Variants in FGF14 observed in about 807,000 individuals in gnomAD.
FGF14 encodes fibroblast growth factor 14.
FGF14 carries 5 observed loss-of-function variants against 25.5 expected under a neutral mutation model. The observed-to-expected ratio is 0.20, with a 90% CI of 0.10 to 0.41. The LOEUF (loss-of-function observed/expected upper bound fraction) is 0.41. Ranked by LOEUF, FGF14 falls within the 10% of genes least tolerant of loss-of-function variation. The probability of loss-of-function intolerance (pLI) is 1.00; values close to 1 mark genes in which losing one functional copy is unlikely to be tolerated. For missense variants in FGF14, 222 were observed against 320.1 expected (o/e 0.69, Z 2.34); for synonymous variants, 138 against 118.3 (o/e 1.17, Z -1.08).
chr13:102,261,926 T>C (rs886860137), intron 1 of FGF14, among the ~76,000 whole-genome samples: 1 of 152,154 alleles, frequency 6.6e-6, no homozygotes, highest in East Asian at 1.9e-4. Flanking sequence ...CATGGCTTCA[T>C]TAGCAACTGT....
intron 1 of FGF14, among the ~76,000 whole-genome samples, chr13:102,308,894 T>C (rs1053870092): frequency 7.9e-6 from 1 of 126,774 alleles, no homozygotes; most frequent in African/African-American, 3.0e-5. Context: ...ACTTTGTATA[T>C]GAACTAGGAG....
In FGF14 at chr13:102,380,956, T is replaced by C. The variant is rs76867102; in HGVS notation, c.208+20515A>G. ...GAAAATACTGTAAGTCAAAAATCCA[T>C]TTAATACACCTAACCTACTAATCAT... On this transcript the variant is annotated intron_variant, in intron 1 of 4. Coordinates refer to the FGF14 transcript ENST00000376131. 8.6e-3 allele frequency among the ~76,000 whole-genome samples: 1,315 copies of C among 152,264 alleles called. 11 individuals carry two copies. Among genetic ancestry groups the C allele is most frequent in the Non-Finnish European group, 0.015 (1,024 of 68,014 alleles).
rs542860425 is a variant in FGF14 at position 102,226,876 on chromosome 13, C to G, written c.208+174595G>C. On this transcript the variant is annotated intron_variant, in intron 1 of 4. Coordinates refer to the FGF14 transcript ENST00000376131. Reference sequence around the variant, plus strand: ...ACATTCTACCTTCCTTCCTCTACCCCCTTTTCAAACCTCTCTTCTTTCTGT... The same window carrying G: ...ACATTCTACCTTCCTTCCTCTACCCGCTTTTCAAACCTCTCTTCTTTCTGT... Among the ~76,000 whole-genome samples, 65 of 152,198 alleles carry G rather than the reference C, an allele frequency of 4.3e-4. No individual in the cohort carries two copies. The Middle Eastern group carries it at 0.01, about 24-fold the overall frequency.
chr13:102,376,533 C>A (rs1057486955), intron 1 of FGF14, among the ~76,000 whole-genome samples: 2 of 152,186 alleles, frequency 1.3e-5, no homozygotes, highest in African/African-American at 4.8e-5. Context: ...ATGATGTCAT[C>A]ATGGCTTTTA....
intron 3 of FGF14, among the ~76,000 whole-genome samples, chr13:101,791,193 T>C (rs909022284): frequency 4.6e-5 from 7 of 152,310 alleles, no homozygotes; most frequent in South Asian, 2.1e-4. Context: ...GAGTATACTC[T>C]GCGGATGGCA....
At chr13:101,872,175 GT>G (rs1307587714) in intron 2 of FGF14, among the ~76,000 whole-genome samples, 3 of 151,566 alleles carry the variant, frequency 2.0e-5, no homozygotes, top group Non-Finnish European at 2.9e-5. Flanking sequence ...TGCTATCTGG[GT>G]GAGTTTTTGG....
Position 102,157,485 on chromosome 13 carries a change from T to C in FGF14, c.208+243986A>G, listed in dbSNP as rs1038978416. On this transcript the variant is annotated intron_variant, in intron 1 of 4. Transcript: ENST00000376131. ...GAAAGCTGAAACTGGATCTCTTCCTTACACCTTATACAAAAATTAATTCAA... is the reference window on the plus strand; with the variant it reads ...GAAAGCTGAAACTGGATCTCTTCCTCACACCTTATACAAAAATTAATTCAA... Among the ~76,000 whole-genome samples, 7 of 152,346 alleles carry C rather than the reference T, an allele frequency of 4.6e-5. 1 individual carries two copies. In the East Asian group the frequency reaches 5.8e-4, roughly 13 times the overall value.
intron 1 of FGF14, chr13:102,393,690 C>T (rs1566984308): frequency 1.3e-5 from 2 of 152,194 alleles, no homozygotes; most frequent in African/African-American, 4.8e-5. Context: ...CTATGAAGCG[C>T]ATGAGGAGCT....
chr13:101,875,344 G>A, intron 1 of FGF14, 48 bp from the exon 2 acceptor site: 1 of 1,254,424 alleles, frequency 8.0e-7, no homozygotes, highest in South Asian at 1.2e-5. Flanking sequence ...TGTCACCATA[G>A]TTTCCTTTAT....
Position 102,089,810 on chromosome 13 carries a change from A to T in FGF14, c.209-214514T>A, listed in dbSNP as rs114137357. Among the ~76,000 whole-genome samples, 692 of 152,330 alleles carry T rather than the reference A, an allele frequency of 4.5e-3. 10 individuals carry two copies. The highest frequency in any genetic ancestry group is 0.016 in the African/African-American group (646 of 41,564). ...CTGAGACAAGTGGTTTATCAATCATATAATTTCTGCAGATCATTTTAATTA... is the reference window on the plus strand; with the variant it reads ...CTGAGACAAGTGGTTTATCAATCATTTAATTTCTGCAGATCATTTTAATTA... On this transcript the variant is annotated intron_variant, in intron 1 of 4. Coordinates refer to the FGF14 transcript ENST00000376131.
At chr13:101,734,816 G>A (rs896361442) in intron 3 of FGF14, among the ~76,000 whole-genome samples, 4 of 152,070 alleles carry the variant, frequency 2.6e-5, no homozygotes, top group African/African-American at 7.2e-5. Flanking sequence ...TAACTTGCCC[G>A]AGTACGTTAC....
chr13:101,868,155 T>C (rs894713718), intron 3 of FGF14, among the ~76,000 whole-genome samples: 16 of 152,186 alleles, frequency 1.1e-4, no homozygotes, highest in Admixed American at 3.9e-4. Context: ...CTACATTATA[T>C]GCATGAATAC....
intron 1 of FGF14, among the ~76,000 whole-genome samples, chr13:102,097,029 C>CTTT (rs11413699): frequency 3.6e-4 from 52 of 145,882 alleles, no homozygotes; most frequent in South Asian, 2.6e-3. Flanking sequence ...GACTGGAGGA[C>CTTT]TTTTTTTTTT....
chr13:102,103,099 T>C (rs965008206), intron 1 of FGF14, among the ~76,000 whole-genome samples: 2 of 152,168 alleles, frequency 1.3e-5, no homozygotes, highest in Non-Finnish European at 2.9e-5. Context: ...TGATGAAATT[T>C]GCTGAGGGAG....
chr13:101,986,756 C>A (rs1237675457), intron 1 of FGF14, among the ~76,000 whole-genome samples: 2 of 152,070 alleles, frequency 1.3e-5, no homozygotes, highest in Non-Finnish European at 1.5e-5. Context: ...ACGTGTCAAA[C>A]CCTTGTCTAA....
At chr13:101,850,560 T>TATAGA (rs2043784976) in intron 3 of FGF14, among the ~76,000 whole-genome samples, 13 of 66,508 alleles carry the variant, frequency 2.0e-4, no homozygotes, top group African/African-American at 7.3e-4. Context: ...TAGAATTATA[T>TATAGA]ATTCTATATA....
At chr13:102,343,590 G>A (rs1289305243) in intron 1 of FGF14, among the ~76,000 whole-genome samples, 1 of 152,148 alleles carries the variant, frequency 6.6e-6, no homozygotes, top group East Asian at 1.9e-4. Flanking sequence ...ATAGAGAATG[G>A]ATTAGAAGGG....
At chr13:102,032,510 T>C (rs1193762341) in intron 1 of FGF14, among the ~76,000 whole-genome samples, 6 of 152,154 alleles carry the variant, frequency 3.9e-5, no homozygotes, top group African/African-American at 1.4e-4. Flanking sequence ...AGTAATGACA[T>C]AGTTTTTATC....
At chr13:102,229,488 T>C (rs1265629650) in intron 1 of FGF14, among the ~76,000 whole-genome samples, 2 of 152,174 alleles carry the variant, frequency 1.3e-5, no homozygotes, top group Non-Finnish European at 2.9e-5. Context: ...TTTCCACTAT[T>C]TCTTGCTACT....
Sources: gnomAD v4.1 joint callset for allele counts (sites outside exome capture counted in the v4.1 genomes callset) on GRCh38, gnomAD v4.1.1 for gene constraint, MANE v1.5 for transcripts, NCBI Gene and HGNC (gene_info 2026-07-23, HGNC 2026-07-21) for gene names.